The following GOLIM4 variants were observed in gnomAD, a reference collection of about 807,000 sequenced individuals.
GOLIM4 encodes 130 kDa golgi-localized phosphoprotein.
Under a neutral mutation model 107.4 loss-of-function variants are expected in GOLIM4, and 71 were observed. The ratio of observed to expected loss-of-function variants is 0.66; its 90% CI spans 0.55 to 0.81. The LOEUF is 0.81. Among genes scored for constraint, GOLIM4 ranks in the 30% least tolerant of loss-of-function variants. The pLI, the probability that GOLIM4 is intolerant of heterozygous loss-of-function variation, is 0.00. For missense variants in GOLIM4, 830 were observed against 826.1 expected (o/e 1.00, Z -0.06); for synonymous variants, 327 against 294.8 (o/e 1.11, Z -1.12).
intron 1 of GOLIM4, among the ~76,000 whole-genome samples, chr3:168,084,698 A>G (rs58441730): frequency 0.21 from 31,788 of 152,084 alleles, 5,860 homozygotes; most frequent in African/African-American, 0.5. Flanking sequence ...AGATTTTGAA[A>G]TGGGGTGCTG....
intron 1 of GOLIM4, among the ~76,000 whole-genome samples, chr3:168,061,145 C>T (rs1380887379): frequency 7.9e-6 from 1 of 126,754 alleles, no homozygotes; most frequent in Non-Finnish European, 1.8e-5. Context: ...TTTAGAGAAG[C>T]AAAAAAAAAA....
At chr3:168,073,439 G>T (rs1414594693) in intron 1 of GOLIM4, among the ~76,000 whole-genome samples, 2 of 152,182 alleles carry the variant, frequency 1.3e-5, no homozygotes, top group Non-Finnish European at 2.9e-5. Context: ...TCTGGGGCTT[G>T]AAAAGGCCAA....
intron 7 of GOLIM4, among the ~76,000 whole-genome samples, chr3:168,039,589 C>G (rs1182222390): frequency 1.3e-5 from 2 of 152,074 alleles, no homozygotes; most frequent in East Asian, 3.9e-4. Context: ...ATTATAAAAC[C>G]CTGTGAGTAA....
In GOLIM4 at chr3:168,036,427, G is replaced by C. The variant is rs540668092; in HGVS notation, c.843+409C>G. On this transcript the variant is annotated intron_variant, in intron 8 of 15. Coordinates refer to ENST00000470487, the MANE Select transcript of GOLIM4 (RefSeq NM_014498.5). ...GTGGTGGCGGGCGCCTATAATCCCA[G>C]CTACTCGGGAGGCTGAGGCAGGGAG... 8.3e-4 allele frequency among the ~76,000 whole-genome samples: 126 copies of C among 152,330 alleles called. 1 individual carries two copies. The highest frequency in any genetic ancestry group is 2.9e-3 in the African/African-American group (121 of 41,580).
At chr3:168,090,527 T>G (rs1032784221) in intron 1 of GOLIM4, among the ~76,000 whole-genome samples, 6 of 152,182 alleles carry the variant, frequency 3.9e-5, no homozygotes, top group Admixed American at 1.3e-4. Flanking sequence ...CAACAAATGT[T>G]GGCAAACATG....
At chr3:168,048,077 G>A (rs1474443557) in intron 2 of GOLIM4, among the ~76,000 whole-genome samples, 3 of 152,024 alleles carry the variant, frequency 2.0e-5, no homozygotes, top group Non-Finnish European at 4.4e-5. Flanking sequence ...TCACAAGGTG[G>A]CATAAACTGA....
At chr3:168,026,210 C>T (rs1717988556) in intron 12 of GOLIM4, among the ~76,000 whole-genome samples, 1 of 151,984 alleles carries the variant, frequency 6.6e-6, no homozygotes. Context: ...GTAGAGACTA[C>T]CAAATTACCA....
In GOLIM4 at chr3:168,060,582, C is replaced by CA. The variant is rs758933690; in HGVS notation, c.188-12218dup. ...CATTTGATTGGGTGTTGACAGATGA[C>CA]AATGCAGGAAGGATAGAGAAAAATC... On this transcript the variant is annotated intron_variant, in intron 1 of 15. Transcript: ENST00000470487. Among the ~76,000 whole-genome samples the CA allele has an allele frequency of 6.6e-5, 10 of 152,218 alleles. No individual in the cohort carries two copies. In the East Asian group the frequency reaches 9.6e-4, roughly 15 times the overall value.
rs74455256 is a variant in GOLIM4 at position 168,080,769 on chromosome 3, C to T, written c.187+14330G>A. Among the ~76,000 whole-genome samples the T allele has an allele frequency of 5.6e-3, 850 of 152,232 alleles. 3 individuals are homozygous for T. Among genetic ancestry groups the T allele is most frequent in the African/African-American group, 0.02 (809 of 41,484 alleles). On this transcript the variant is annotated intron_variant, in intron 1 of 15. Transcript: ENST00000470487. ...TGTTGCAATAGGACTTTCCCCACAA[C>T]GTTGGAAATCTAGATGTTTATATAA...
chr3:168,080,259 T>C (rs867074460), intron 1 of GOLIM4, among the ~76,000 whole-genome samples: 6 of 152,186 alleles, frequency 3.9e-5, no homozygotes, highest in African/African-American at 1.4e-4. Flanking sequence ...CACTCTGAAA[T>C]GTCTGTAACT....
intron 1 of GOLIM4, among the ~76,000 whole-genome samples, chr3:168,065,511 TA>T (rs1467326305): frequency 6.6e-6 from 1 of 152,208 alleles, no homozygotes. Flanking sequence ...TATGACTGTG[TA>T]AAATGCGAAC....
At chr3:168,071,266 T>A (rs949891552) in intron 1 of GOLIM4, among the ~76,000 whole-genome samples, 3 of 152,208 alleles carry the variant, frequency 2.0e-5, no homozygotes, top group Non-Finnish European at 4.4e-5. Context: ...TTTACTACCT[T>A]GTCACTTTGG....
At chr3:168,085,503 C>T (rs1007780088) in intron 1 of GOLIM4, among the ~76,000 whole-genome samples, 1 of 152,144 alleles carries the variant, frequency 6.6e-6, no homozygotes, top group Non-Finnish European at 1.5e-5. Context: ...AGGAGACCCA[C>T]AAACTTTTTG....
intron 14 of GOLIM4, among the ~76,000 whole-genome samples, chr3:168,012,873 A>G (rs1717136858): frequency 6.6e-6 from 1 of 151,966 alleles, no homozygotes; most frequent in Admixed American, 6.5e-5. Context: ...CTGCCCTACA[A>G]GAGCTCCTAA....
chr3:168,041,801 C>A (rs1048746345), intron 5 of GOLIM4, among the ~76,000 whole-genome samples: 1 of 151,830 alleles, frequency 6.6e-6, no homozygotes, highest in African/African-American at 2.4e-5. Context: ...AAATATAATG[C>A]GTAGGTGTAC....
chr3:168,052,949 A>G (rs372937760), intron 1 of GOLIM4, among the ~76,000 whole-genome samples: 1 of 152,336 alleles, frequency 6.6e-6, no homozygotes, highest in East Asian at 1.9e-4. Flanking sequence ...GCAGAATAAC[A>G]CTGCAACAGG....
intron 13 of GOLIM4, 150 bp downstream of exon 13, chr3:168,024,778 A>G: frequency 1.2e-6 from 1 of 843,602 alleles, no homozygotes; most frequent in Non-Finnish European, 2.0e-6. Flanking sequence ...TCTCTCTCAG[A>G]GTACAGGCAT....
At chr3:168,041,504 A>G in intron 5 of GOLIM4, 30 bp from the exon 6 acceptor site, 3 of 1,053,886 alleles carry the variant, frequency 2.8e-6, no homozygotes, top group Non-Finnish European at 4.4e-6. Flanking sequence ...ATCACACATA[A>G]AGCCTTGAAA....
intron 14 of GOLIM4, among the ~76,000 whole-genome samples, chr3:168,017,754 G>A (rs9942118): frequency 0.21 from 31,446 of 150,404 alleles, 7,391 homozygotes; most frequent in African/African-American, 0.58. Flanking sequence ...CTCTGGCTAA[G>A]ATATCTAGAA....
Sources: allele counts gnomAD v4.1 joint callset (sites outside exome capture counted in the v4.1 genomes callset), GRCh38; gene constraint gnomAD v4.1.1; transcripts MANE v1.5; gene names NCBI Gene and HGNC (gene_info 2026-07-23, HGNC 2026-07-21).